The following ZFTA variants were observed in gnomAD, a reference collection of about 807,000 sequenced individuals.
ZFTA encodes zinc finger translocation associated, also known as zinc finger translocation-associated protein.
ZFTA carries 35 observed loss-of-function variants against 41.8 expected under a neutral mutation model. The observed-to-expected ratio is 0.84, with a 90% CI of 0.64 to 1.11. ZFTA has a LOEUF of 1.11. Among genes scored for constraint, ZFTA ranks in the 50% most tolerant of loss-of-function variants. The pLI, the probability that ZFTA is intolerant of heterozygous loss-of-function variation, is 0.00. For synonymous variants in ZFTA, 514 were observed against 436.4 expected (o/e 1.18, Z -2.22); for missense variants, 964 against 989.8 (o/e 0.97, Z 0.35).
chr11:63,768,425 G>A, intron 1 of ZFTA, 59 bp downstream of exon 1: 4 of 1,029,808 alleles, frequency 3.9e-6, no homozygotes, highest in Non-Finnish European at 3.5e-6. Flanking sequence ...GCCCCGAGCC[G>A]CAGCCCTCCC....
In ZFTA at chr11:63,766,286, T is replaced by A; in HGVS notation, c.158A>T (p.Glu53Val). Residue 53 changes from glutamate (E) to valine (V), a missense_variant, in exon 2 of 5, where the codon GAA (glutamate) becomes GTA (valine). Glu to Val is a moderately radical substitution (Grantham distance 121). Transcript: ENST00000433688. ...CCCCCAGGACCCCAAGGCACCCCCT[T>A]CCAGCTGAAGATCTTGCCCTGAAGA... ...EDEGGQDLQL[E>V]GGALGSWGSA... 6.9e-7 allele frequency: 1 copy of A among 1,455,188 alleles called. No individual in the cohort carries two copies. The highest frequency in any genetic ancestry group is 9.0e-7 in the Non-Finnish European group (1 of 1,111,644). The allele number at this position is 1,455,188 out of a possible 1,614,324, so 90.1% of individuals were successfully genotyped here.
rs1338798150 is a variant in ZFTA at position 63,765,748 on chromosome 11, C to A, written c.637+59G>T. 7 of 1,429,890 alleles carry A rather than the reference C, an allele frequency of 4.9e-6. No individual in the cohort carries two copies. Among genetic ancestry groups the A allele is most frequent in the Non-Finnish European group, 6.4e-6 (7 of 1,094,592 alleles). The allele number at this position is 1,429,890 out of a possible 1,614,324, so 88.6% of individuals were successfully genotyped here. ...CCAGCTCCTTGGCAGAGCAGCTGGC[C>A]CACTGTGCCCCACTGGCCACCCAGG... On this transcript the variant is annotated intron_variant, in intron 2 of 4. Coordinates refer to ENST00000433688, the MANE Select transcript of ZFTA (RefSeq NM_001144936.2). The surrounding 1 kb of genome is among the most constrained non-coding windows in gnomAD (Gnocchi z 4.0).
chr11:63,762,137 T>C lies in ZFTA; in HGVS notation c.*1281A>G, dbSNP rs1269951536. ...GCGGGATTAACATCAGCACAGCTAG[T>C]TGGGGTCCTCCCGTCCCCGCCTCTG... On this transcript the variant is annotated 3_prime_UTR_variant, in exon 5 of 5. Transcript: ENST00000433688. The C allele has an allele frequency of 6.6e-6, 1 of 152,370 alleles. No homozygotes were observed. 9.4% of individuals were successfully genotyped at this position (152,370 alleles called of 1,614,324 possible).
rs1013886891 is a variant in ZFTA at position 63,761,255 on chromosome 11, A to C, written c.*2163T>G. 3.9e-5 allele frequency: 6 copies of C among 152,214 alleles called. No homozygotes were observed. The highest frequency in any genetic ancestry group is 1.2e-4 in the African/African-American group (5 of 41,446). The allele number at this position is 152,214 out of a possible 1,614,324, so 9.4% of individuals were successfully genotyped here. ...TCAGTCAATTGACAACCCATTCAGG[A>C]TCTTCCTGAATCCCTGGTGGCCTCC... On this transcript the variant is annotated 3_prime_UTR_variant, in exon 5 of 5. Transcript: ENST00000433688.
In ZFTA at chr11:63,764,746, T is replaced by A. The variant is rs1565058732; in HGVS notation, c.1024+122A>T. On this transcript the variant is annotated intron_variant, in intron 3 of 4. Transcript: ENST00000433688. The stretch of plus-strand genomic sequence containing the variant: ...TCTGGGGGCAGGGGGAAAGTATGTG[T>A]GTGGAGCACCAGCTCCTGGCCTTCA... 2.9e-6 allele frequency: 4 copies of A among 1,383,330 alleles called. No individual in the cohort carries two copies. In the East Asian group the frequency reaches 1.1e-4, roughly 38 times the overall value. 85.7% of individuals were successfully genotyped at this position (1,383,330 alleles called of 1,614,324 possible). A position where few individuals can be genotyped will look rare whatever the true frequency, so the allele number is the denominator to read the frequency against.
chr11:63,764,572 T>C lies in ZFTA; in HGVS notation c.1051A>G (p.Thr351Ala). The C allele has an allele frequency of 8.0e-7, 1 of 1,253,528 alleles. No homozygotes were observed. The highest frequency in any genetic ancestry group is 1.0e-6 in the Non-Finnish European group (1 of 994,998). The allele number at this position is 1,253,528 out of a possible 1,614,324, so 77.7% of individuals were successfully genotyped here. Residue 351 changes from threonine to alanine, a missense_variant, in exon 4 of 5, where the codon ACC (threonine) becomes GCC (alanine). Thr to Ala is a moderately conservative substitution (Grantham distance 58). Transcript: ENST00000433688. Reference sequence around the variant, plus strand: ...GAGGCCGAGTCCCGGCTCTTTCCGGTCAGGTCCTGGGGGGCGAGGTCATCG... The same window carrying C: ...GAGGCCGAGTCCCGGCTCTTTCCGGCCAGGTCCTGGGGGGCGAGGTCATCG... ...PGDDLAPQDL[T>A]GKSRDSASAA...
chr11:63,768,095 T>G (rs2014775595), intron 1 of ZFTA, among the ~76,000 whole-genome samples: 1 of 151,656 alleles, frequency 6.6e-6, no homozygotes, highest in Non-Finnish European at 1.5e-5. Flanking sequence ...GGACCCAGGG[T>G]CTGGGCGGAC....
At chr11:63,764,703 G>A (rs902552929) in intron 3 of ZFTA, 105 bp from the exon 4 acceptor site, 35 of 1,326,294 alleles carry the variant, frequency 2.6e-5, no homozygotes, top group Admixed American at 3.7e-5. Flanking sequence ...CCAAGCTAGA[G>A]GCCCCAGTCT....
rs2014657677 is a variant in ZFTA at position 63,762,386 on chromosome 11, T to C, written c.*1032A>G. 6.6e-6 allele frequency: 1 copy of C among 152,222 alleles called. No homozygotes were observed. The highest frequency in any genetic ancestry group is 1.5e-5 in the Non-Finnish European group (1 of 68,044). 9.4% of individuals were successfully genotyped at this position (152,222 alleles called of 1,614,324 possible). A position where few individuals can be genotyped will look rare whatever the true frequency, so the allele number is the denominator to read the frequency against. On this transcript the variant is annotated 3_prime_UTR_variant, in exon 5 of 5. Coordinates refer to ENST00000433688, the MANE Select transcript of ZFTA (RefSeq NM_001144936.2). Reference sequence around the variant, plus strand: ...CCTGTTCTCCACAGGAGAATGAATCTACACATCCCTCTCGGACCTGCCTGG... The same window carrying C: ...CCTGTTCTCCACAGGAGAATGAATCCACACATCCCTCTCGGACCTGCCTGG...
At chr11:63,766,637 A>T (rs2014750905) in intron 1 of ZFTA, among the ~76,000 whole-genome samples, 1 of 152,186 alleles carries the variant, frequency 6.6e-6, no homozygotes, top group African/African-American at 2.4e-5. Flanking sequence ...GGAGAAAGCC[A>T]GGAGAGCAGC....
chr11:63,765,481 G>A lies in ZFTA; in HGVS notation c.638-227C>T, dbSNP rs974208285. 1.3e-5 allele frequency among the ~76,000 whole-genome samples: 2 copies of A among 151,806 alleles called. No individual in the cohort carries two copies. The highest frequency in any genetic ancestry group is 4.8e-5 in the African/African-American group (2 of 41,274). On this transcript the variant is annotated intron_variant, in intron 2 of 4. Transcript: ENST00000433688. The surrounding 1 kb of genome is among the most constrained non-coding windows in gnomAD (Gnocchi z 4.0). ...TCTAGCCCTGTCCCTGGCCTTCACC[G>A]TCAGCCACACCTCTCCAGCACCCTC... is the stretch of plus-strand genomic sequence containing the variant.
In ZFTA at chr11:63,768,718, G is replaced by GGCGCGGGGCGCAT; in HGVS notation, c.-109_-97dup. The GGCGCGGGGCGCAT allele has an allele frequency of 6.1e-6, 3 of 492,716 alleles. No homozygotes were observed. Among genetic ancestry groups the GGCGCGGGGCGCAT allele is most frequent in the Non-Finnish European group, 7.8e-6 (3 of 383,064 alleles). The allele number at this position is 492,716 out of a possible 1,614,324, so 30.5% of individuals were successfully genotyped here. On this transcript the variant is annotated 5_prime_UTR_variant, in exon 1 of 5. In the 5' UTR this introduces an upstream ATG that the reference lacks. Transcript: ENST00000433688. ...GAGCGCTCGCTGCGCGGGGCCCCGG[G>GGCGCGGGGCGCAT]GCGCGGGGCGCATGCACGGGGCGGC...
chr11:63,764,957 A>G lies in ZFTA; in HGVS notation c.935T>C (p.Leu312Pro). The change falls in exon 3 of 5, where the codon CTG becomes CCG. Residue 312 changes from leucine to proline, a missense_variant. By Grantham distance (98) the Leu-to-Pro change is moderately conservative. Coordinates refer to ENST00000433688, the MANE Select transcript of ZFTA (RefSeq NM_001144936.2). ...ACTGCGCTGGGGGCCGCTGAGCCCC[A>G]GGGAGCCAGGGTGCACCTCCAGCAC... is the stretch of plus-strand genomic sequence containing the variant. The part of the protein sequence containing the change: ...AHVLEVHPGS[L>P]GLSGPQRSAL... The G allele has an allele frequency of 6.5e-7, 1 of 1,548,288 alleles. No homozygotes were observed. Among genetic ancestry groups the G allele is most frequent in the Admixed American group, 2.0e-5 (1 of 50,956 alleles).
At position 63,762,534 on chromosome 11, in the gene ZFTA, G is replaced by C. The variant is rs1373703908; in HGVS notation, c.*884C>G. ...CGCCGCATCCACCGCGGACAAAGGG[G>C]GATGGGGATGGGGCGGGAATCGAAG... On this transcript the variant is annotated 3_prime_UTR_variant, in exon 5 of 5. Transcript: ENST00000433688. 7 of 152,464 alleles carry C rather than the reference G, an allele frequency of 4.6e-5. No individual in the cohort carries two copies. Among genetic ancestry groups the C allele is most frequent in the African/African-American group, 1.7e-4 (7 of 41,590 alleles). 9.4% of individuals were successfully genotyped at this position (152,464 alleles called of 1,614,324 possible). A position where few individuals can be genotyped will look rare whatever the true frequency, so the allele number is the denominator to read the frequency against.
rs1182022108 is a variant in ZFTA at position 63,762,092 on chromosome 11, G to GA, written c.*1325_*1326insT. The GA allele has an allele frequency of 4.6e-5, 7 of 152,312 alleles. No homozygotes were observed. The highest frequency in any genetic ancestry group is 1.7e-4 in the African/African-American group (7 of 41,420). 9.4% of individuals were successfully genotyped at this position (152,312 alleles called of 1,614,324 possible). On this transcript the variant is annotated 3_prime_UTR_variant, in exon 5 of 5. Transcript: ENST00000433688. ...AGCCTGGCTTTGTGAAGAGCAGACA[G>GA]TAGGGCCCGGAGTCTCCCAGCGGGA...
rs1453893363 is a variant in ZFTA, at chr11:63,759,927, T to C, written c.*3491A>G. On this transcript the variant is annotated 3_prime_UTR_variant, in exon 5 of 5. Transcript: ENST00000433688. ...ATCATTCTGCTAACTTTATTCTTTA[T>C]ACACAGTTTGGGTAAAGTAAGAACC... is the stretch of plus-strand genomic sequence containing the variant. 1 of 152,164 alleles carries C rather than the reference T, an allele frequency of 6.6e-6. No homozygotes were observed. The highest frequency in any genetic ancestry group is 2.4e-5 in the African/African-American group (1 of 41,366). The allele number at this position is 152,164 out of a possible 1,614,324, so 9.4% of individuals were successfully genotyped here.
In ZFTA at chr11:63,762,854, C is replaced by G. The variant is rs1310514705; in HGVS notation, c.*564G>C. On this transcript the variant is annotated 3_prime_UTR_variant, in exon 5 of 5. Transcript: ENST00000433688. ...AAGGCTCCCGAGCCCTGCGGCCCAGCCTCCCGCTGGAAGCCCCAGTCCGCA... is the reference window on the plus strand; with the variant it reads ...AAGGCTCCCGAGCCCTGCGGCCCAGGCTCCCGCTGGAAGCCCCAGTCCGCA... 1 of 152,090 alleles carries G rather than the reference C, an allele frequency of 6.6e-6. No individual in the cohort carries two copies. The highest frequency in any genetic ancestry group is 1.5e-5 in the Non-Finnish European group (1 of 67,986). The allele number at this position is 152,090 out of a possible 1,614,324, so 9.4% of individuals were successfully genotyped here. A position where few individuals can be genotyped will look rare whatever the true frequency, so the allele number is the denominator to read the frequency against.
At chr11:63,768,361 G>A in intron 1 of ZFTA, 123 bp downstream of exon 1, 1 of 516,518 alleles carries the variant, frequency 1.9e-6, no homozygotes, top group South Asian at 8.4e-5. Context: ...CCCACCAGGT[G>A]GCGCCCCCGG....
At position 63,763,782 on chromosome 11, in the gene ZFTA, A is replaced by G; in HGVS notation, c.1673T>C (p.Leu558Pro). Residue 558 changes from leucine to proline, a missense_variant, in exon 5 of 5, where the codon CTC becomes CCC. Transcript: ENST00000433688. ...GGGAGGAGGCGGCGGCGGCAAGGCG[A>G]GTCCCCCAGGCTCCTGGCCGTCCTC... ...DEEDGQEPGG[L>P]ALPPPPPPPP... The G allele has an allele frequency of 6.8e-7, 1 of 1,460,380 alleles. No homozygotes were observed. The highest frequency in any genetic ancestry group is 9.0e-7 in the Non-Finnish European group (1 of 1,108,150). 90.5% of individuals were successfully genotyped at this position (1,460,380 alleles called of 1,614,324 possible). A position where few individuals can be genotyped will look rare whatever the true frequency, so the allele number is the denominator to read the frequency against.
Sources: allele counts gnomAD v4.1 joint callset (sites outside exome capture counted in the v4.1 genomes callset), GRCh38; gene constraint gnomAD v4.1.1; non-coding constraint Gnocchi (gnomAD v3.1); transcripts MANE v1.5; gene names NCBI Gene and HGNC (gene_info 2026-07-23, HGNC 2026-07-21).